The following CDH11 variants were observed in gnomAD, a reference collection of about 807,000 sequenced individuals.
CDH11 encodes cadherin 11.
CDH11 carries 11 observed loss-of-function variants against 67.8 expected under a neutral mutation model. The ratio of observed to expected loss-of-function variants is 0.16; its 90% confidence interval spans 0.10 to 0.27. CDH11 has a LOEUF of 0.27. Among genes scored for constraint, CDH11 ranks in the 10% least tolerant of loss-of-function variants. The pLI is 1.00. For missense variants in CDH11, 847 were observed against 1,031.2 expected (o/e 0.82, Z 2.45); for synonymous variants, 419 against 400.0 (o/e 1.05, Z -0.57).
chr16:65,104,722 A>G (rs1442174891), intron 1 of CDH11, among the ~76,000 whole-genome samples: 1 of 152,214 alleles, frequency 6.6e-6, no homozygotes, highest in Admixed American at 6.5e-5. Context: ...AATGTGAAGC[A>G]TATACCAAGA....
intron 2 of CDH11, among the ~76,000 whole-genome samples, chr16:65,032,771 T>C (rs1481663547): frequency 6.6e-6 from 1 of 152,198 alleles, no homozygotes. Flanking sequence ...ATTAGTTATC[T>C]TCCCATTCAG....
At chr16:65,064,957 T>C (rs1051558447) in intron 1 of CDH11, among the ~76,000 whole-genome samples, 2 of 152,144 alleles carry the variant, frequency 1.3e-5, no homozygotes, top group African/African-American at 4.8e-5. Context: ...AACGGGGACA[T>C]GGGTGAGGAG....
In CDH11 at chr16:64,988,340, T is replaced by C. The variant is rs762197392; in HGVS notation, c.816A>G (p.Val272=). The C allele has an allele frequency of 3.3e-5, 53 of 1,607,924 alleles. No homozygotes were observed. The highest frequency in any genetic ancestry group is 4.5e-5 in the Non-Finnish European group (53 of 1,177,760). The change falls in exon 7 of 13, where the codon GTA becomes GTG. Residue 272 remains valine, a synonymous_variant. Transcript: ENST00000268603. ...CTGCTTCTGACACAGACATCTGGTA[T>C]ACGCCTAGAAGAAGAAGACATCTAT... ...NDNPPKFPQS[V]YQMSVSEAAV... is the part of the protein sequence containing the mutation.
At chr16:65,068,492 G>C (rs1211927038) in intron 1 of CDH11, among the ~76,000 whole-genome samples, 1 of 150,330 alleles carries the variant, frequency 6.7e-6, no homozygotes, top group East Asian at 2.0e-4. Context: ...TATTTTTAGT[G>C]GCCTAAAGAA....
At chr16:65,062,943 G>A (rs2074255759) in intron 1 of CDH11, among the ~76,000 whole-genome samples, 1 of 152,190 alleles carries the variant, frequency 6.6e-6, no homozygotes, top group South Asian at 2.1e-4. Flanking sequence ...TCTAGCGGGT[G>A]CTCTACATCC....
chr16:65,122,120 GC>G (rs1348472291), upstream of CDH11: 1 of 426,988 alleles, frequency 2.3e-6, no homozygotes, highest in Non-Finnish European at 4.2e-6. Context: ...TGGCGGGCGG[GC>G]AGGCGGGTGC....
rs2072371768 is a variant in CDH11, at chr16:64,982,236, G to A, written c.1065C>T (p.Asp355=). The A allele has an allele frequency of 6.2e-7, 1 of 1,613,640 alleles. No individual in the cohort carries two copies. The change falls in exon 8 of 13, where the codon GAC becomes GAT. Residue 355 remains aspartate, a synonymous_variant. Coordinates refer to ENST00000268603, the MANE Select transcript of CDH11 (RefSeq NM_001797.4). ...AAGGGCCATTGCTGATAAACTTCGG[G>A]TCGATGTGCACGTTGGCTGCCTCTA... ...LKVEAANVHI[D]PKFISNGPFK... is the part of the protein sequence containing the mutation.
Position 64,988,253 on chromosome 16 carries a change from G to A in CDH11, c.903C>T (p.Gly301=), listed in dbSNP as rs55854547. The A allele has an allele frequency of 1.2e-3, 1,988 of 1,613,590 alleles. 21 individuals carry two copies. The Middle Eastern group carries it at 0.022, about 18-fold the overall frequency. Residue 301 remains glycine (G), a synonymous_variant, in exon 7 of 13, where the codon GGC becomes GGT. Coordinates refer to ENST00000268603, the MANE Select transcript of CDH11 (RefSeq NM_001797.4). ...KAKDPDIGEN[G]LVTYNIVDGD... is the part of the protein sequence containing the mutation. ...CATCAACAATATTGTATGTGACTAA[G>A]CCATTTTCTCCAATGTCTGGATCTT...
chr16:65,109,192 G>A (rs891936237), intron 1 of CDH11, among the ~76,000 whole-genome samples: 4 of 152,112 alleles, frequency 2.6e-5, no homozygotes, highest in African/African-American at 9.7e-5. Context: ...GTTCTGTTCA[G>A]TTCAGTGATA....
chr16:65,010,044 G>A (rs2073143968), intron 2 of CDH11, among the ~76,000 whole-genome samples: 3 of 152,182 alleles, frequency 2.0e-5, no homozygotes, highest in African/African-American at 4.8e-5. Context: ...AGACGAAAGC[G>A]CTTAGCAGAA....
At chr16:64,975,862 G>C (rs1036140592) in intron 8 of CDH11, among the ~76,000 whole-genome samples, 2 of 151,838 alleles carry the variant, frequency 1.3e-5, no homozygotes, top group African/African-American at 4.8e-5. Flanking sequence ...AATAACTGTT[G>C]AAATTATTTA....
chr16:64,948,507 C>CAG, intron 12 of CDH11: 1 of 980,270 alleles, frequency 1.0e-6, no homozygotes, highest in Admixed American at 2.0e-5. Context: ...TGAGGACATG[C>CAG]AGAGCCCTTA....
chr16:64,996,866 T>C (rs1199744300), intron 4 of CDH11, among the ~76,000 whole-genome samples: 6 of 152,130 alleles, frequency 3.9e-5, no homozygotes, highest in African/African-American at 1.4e-4. Flanking sequence ...GTGGGAATAA[T>C]AAACACAGGA....
At chr16:65,086,768 A>T (rs959303541) in intron 1 of CDH11, among the ~76,000 whole-genome samples, 1 of 152,190 alleles carries the variant, frequency 6.6e-6, no homozygotes, top group Non-Finnish European at 1.5e-5. Flanking sequence ...GATGATCTGC[A>T]GACTACCTTT....
At chr16:65,089,785 T>C (rs763207390) in intron 1 of CDH11, among the ~76,000 whole-genome samples, 4 of 152,212 alleles carry the variant, frequency 2.6e-5, no homozygotes, top group African/African-American at 9.6e-5. Flanking sequence ...TAAAAGATAA[T>C]GTATTCTTGC....
chr16:65,004,364 C>G (rs549341543), intron 3 of CDH11, among the ~76,000 whole-genome samples: 2 of 152,118 alleles, frequency 1.3e-5, no homozygotes, highest in Non-Finnish European at 2.9e-5. Flanking sequence ...CAGAGAGAGA[C>G]CCCATATCTA....
At chr16:64,997,336 T>TAAATAAAC (rs1219212188) in intron 4 of CDH11, among the ~76,000 whole-genome samples, 97 of 120,050 alleles carry the variant, frequency 8.1e-4, no homozygotes, top group South Asian at 2.0e-3. Context: ...AATAAATAAA[T>TAAATAAAC]AAACAAACCT....
chr16:64,982,005 C>G lies in CDH11; in HGVS notation c.1253+43G>C, dbSNP rs35214. On this transcript the variant is annotated intron_variant, in intron 8 of 12. Transcript: ENST00000268603. ...AGGGCTTTCCCAGAACCTCTTGACT[C>G]TAAAATTCCCCATCCAAGCTCTTAA... 497,887 of 1,542,466 alleles carry G rather than the reference C, an allele frequency of 0.32. 84,782 individuals carry two copies. Among genetic ancestry groups the G allele is most frequent in the Non-Finnish European group, 0.36 (408,576 of 1,143,730 alleles).
At chr16:65,006,740 C>G (rs188861934) in intron 2 of CDH11, 1 of 152,140 alleles carries the variant, frequency 6.6e-6, no homozygotes, top group Non-Finnish European at 1.5e-5. Context: ...GTGTCCCCAC[C>G]CAAATCTCAT....
Sources: allele counts gnomAD v4.1 joint callset (sites outside exome capture counted in the v4.1 genomes callset), GRCh38; gene constraint gnomAD v4.1.1; transcripts MANE v1.5; gene names NCBI Gene and HGNC (gene_info 2026-07-23, HGNC 2026-07-21).